Variants in SPON2 observed in about 807,000 individuals in gnomAD.
SPON2 encodes spondin-2.
In SPON2, 32 loss-of-function variants were observed where a neutral mutation model predicts 29.9. That is an observed-to-expected ratio of 1.07 (90% CI 0.81 to 1.44). The LOEUF (loss-of-function observed/expected upper bound fraction) is 1.44. SPON2 is among the 40% of genes most tolerant of loss of function. SPON2 has a pLI of 0.00. For missense variants in SPON2, 541 were observed against 455.5 expected (o/e 1.19, Z -1.71); for synonymous variants, 248 against 209.1 (o/e 1.19, Z -1.61).
At chr4:1,172,157 T>C (rs1412097450) in intron 1 of SPON2, 83 bp from the exon 2 acceptor site, 2 of 1,281,348 alleles carry the variant, frequency 1.6e-6, no homozygotes, top group Non-Finnish European at 2.2e-6. Flanking sequence ...TGCGGCACTT[T>C]GGGCTCTGAG....
In SPON2 at chr4:1,186,116, C is replaced by T. The variant is rs377459262; in HGVS notation, c.-238-6575G>A. ...AAAATTAGCCGGGCGTGGTGGTGGG[C>T]GCCTGTAGTCCCAGCTACTCAGGAG... On this transcript the variant is annotated intron_variant, in intron 1 of 3. Transcript: ENST00000502483. Among the ~76,000 whole-genome samples, 129 of 150,098 alleles carry T rather than the reference C, an allele frequency of 8.6e-4. 1 individual carries two copies. Among genetic ancestry groups the T allele is most frequent in the Non-Finnish European group, 1.3e-3 (87 of 67,250 alleles).
At chr4:1,199,404 TATTAAA>T (rs1011160989), upstream of SPON2, 2 of 152,032 alleles carry the variant, frequency 1.3e-5, no homozygotes, top group Non-Finnish European at 2.9e-5. The surrounding 1 kb of genome is among the most constrained non-coding windows in gnomAD (Gnocchi z 4.5). Flanking sequence ...TCTCAAAAAA[TATTAAA>T]ATTAAAATTA....
At chr4:1,208,726 G>C (rs1433929428), upstream of SPON2, 4 of 152,292 alleles carry the variant, frequency 2.6e-5, no homozygotes, top group East Asian at 7.7e-4. Flanking sequence ...CTGTCCGTCT[G>C]CTGTCCGAGC....
At chr4:1,187,279 G>A (rs938224701) in intron 1 of SPON2, among the ~76,000 whole-genome samples, 4 of 152,196 alleles carry the variant, frequency 2.6e-5, no homozygotes, top group African/African-American at 4.8e-5. Context: ...AAAACACAAA[G>A]ATTGTGTCAT....
chr4:1,194,364 C>T (rs1031023777), intron 1 of SPON2, among the ~76,000 whole-genome samples: 3 of 152,296 alleles, frequency 2.0e-5, no homozygotes, highest in African/African-American at 7.2e-5. Flanking sequence ...TTCAAGGAGC[C>T]GAGCCCCAGG....
chr4:1,169,549 G>A (rs938105713), intron 5 of SPON2, among the ~76,000 whole-genome samples: 1 of 152,154 alleles, frequency 6.6e-6, no homozygotes, highest in African/African-American at 2.4e-5. Flanking sequence ...TGTAATTACT[G>A]CTGCTCCTCA....
At chr4:1,207,731 T>C (rs192195828) in intron 1 of SPON2, 2 of 154,760 alleles carry the variant, frequency 1.3e-5, no homozygotes, top group Admixed American at 1.3e-4. Flanking sequence ...CACCTAACCT[T>C]ATATTGTTCA....
chr4:1,184,359 C>A (rs370634832), intron 1 of SPON2, among the ~76,000 whole-genome samples: 3 of 152,150 alleles, frequency 2.0e-5, no homozygotes, highest in African/African-American at 7.2e-5. Context: ...CAGCTCAATG[C>A]TGTCTACAAA....
intron 1 of SPON2, among the ~76,000 whole-genome samples, chr4:1,188,027 C>T (rs989126486): frequency 1.1e-4 from 16 of 151,234 alleles, no homozygotes; most frequent in East Asian, 1.9e-4. Context: ...CACGATGAAA[C>T]ACCGTCTCTA....
chr4:1,171,716 G>C (rs1311501382), intron 2 of SPON2, 136 bp downstream of exon 2: 3 of 802,960 alleles, frequency 3.7e-6, no homozygotes, highest in Admixed American at 4.7e-5. Context: ...GCAGGCGCTC[G>C]GCAAACATTC....
At chr4:1,197,723 T>C (rs1402711722), upstream of SPON2, among the ~76,000 whole-genome samples, 1 of 152,130 alleles carries the variant, frequency 6.6e-6, no homozygotes, top group East Asian at 1.9e-4. Flanking sequence ...TAAAATAAAA[T>C]CCCCTTGCCC....
At chr4:1,180,157 AG>A (rs549188921) in intron 1 of SPON2, among the ~76,000 whole-genome samples, 1 of 152,124 alleles carries the variant, frequency 6.6e-6, no homozygotes, top group Non-Finnish European at 1.5e-5. Flanking sequence ...GCAGGAAGTG[AG>A]GGCTACTGCA....
At chr4:1,189,638 C>CAAAA (rs61543201) in intron 1 of SPON2, among the ~76,000 whole-genome samples, 13,884 of 59,592 alleles carry the variant, frequency 0.23, 1,821 homozygotes, top group Non-Finnish European at 0.33. Flanking sequence ...GACCCTGTCT[C>CAAAA]AAAAAAAAAA....
chr4:1,183,221 A>G (rs1727730544), intron 1 of SPON2, among the ~76,000 whole-genome samples: 1 of 147,072 alleles, frequency 6.8e-6, no homozygotes, highest in African/African-American at 2.5e-5. Flanking sequence ...CAACCTGGGC[A>G]ACAAGAGTGA....
At position 1,171,996 on chromosome 4, in the gene SPON2, C is replaced by T; in HGVS notation, c.76G>A (p.Gly26Ser). ...ATGGACTCTCCCCCAAGAGGCTGGC[C>T]GGCGGCGCCGAGAGTGGCCAGGAGG... is the stretch of plus-strand genomic sequence containing the variant. ...ALLLATLGAA[G>S]QPLGGESICS... Residue 26 changes from glycine to serine, a missense_variant, in exon 2 of 6, where the codon GGC (glycine) becomes AGC (serine). Transcript: ENST00000290902. 1 of 1,612,830 alleles carries T rather than the reference C, an allele frequency of 6.2e-7. No homozygotes were observed. Among genetic ancestry groups the T allele is most frequent in the Non-Finnish European group, 8.5e-7 (1 of 1,179,878 alleles).
rs199678994 is a variant in SPON2, at chr4:1,171,430, C to T, written c.277G>A (p.Gly93Arg). 9 of 1,612,320 alleles carry T rather than the reference C, an allele frequency of 5.6e-6. No homozygotes were observed. The Admixed American group carries it at 1.3e-4, about 24-fold the overall frequency. The change falls in exon 3 of 6, where the codon GGG (glycine) becomes AGG (arginine). Residue 93 changes from glycine (G) to arginine (R), a missense_variant. Physicochemically the swap from Gly to Arg is moderately radical, Grantham distance 125 (BLOSUM62 -2). Transcript: ENST00000290902. ...MWRKNQYVSN[G>R]LRDFAERGEA... Reference sequence around the variant, plus strand: ...CCGCGCTCCGCAAAGTCGCGCAGCCCGTTACTGACGTACTGGTTCTTCCTC... The same window carrying T: ...CCGCGCTCCGCAAAGTCGCGCAGCCTGTTACTGACGTACTGGTTCTTCCTC...
In SPON2 at chr4:1,167,619, C is replaced by T; in HGVS notation, c.849G>A (p.Trp283Ter). 6.2e-7 allele frequency: 1 copy of T among 1,612,236 alleles called. No individual in the cohort carries two copies. Among genetic ancestry groups the T allele is most frequent in the Non-Finnish European group, 8.5e-7 (1 of 1,179,172 alleles). The change falls in exon 6 of 6, where the codon TGG (tryptophan) becomes TGA (stop). Residue 283 changes from tryptophan to a stop codon, truncating the protein, a stop_gained. Coordinates refer to ENST00000290902, the MANE Select transcript of SPON2 (RefSeq NM_012445.4). LOFTEE classifies it high-confidence loss of function. ...GGCCTCCGCACAGTCCCCAGGACGACCACAGGGAGACCTCGCAGTCCAGCG... is the reference window on the plus strand; with the variant it reads ...GGCCTCCGCACAGTCCCCAGGACGATCACAGGGAGACCTCGCAGTCCAGCG... ...ETPLDCEVSL[W>*]SSWGLCGGHC... is the part of the protein sequence containing the mutation.
intron 5 of SPON2, among the ~76,000 whole-genome samples, chr4:1,168,695 G>A (rs750296092): frequency 5.9e-5 from 9 of 152,200 alleles, no homozygotes; most frequent in Non-Finnish European, 1.3e-4. Flanking sequence ...TGGTGGGAGC[G>A]CCCCTGCCCT....
chr4:1,198,679 C>G (rs866838905), upstream of SPON2, among the ~76,000 whole-genome samples: 1 of 151,976 alleles, frequency 6.6e-6, no homozygotes, highest in African/African-American at 2.4e-5. Flanking sequence ...TCGGCAGCAT[C>G]GTGTTATGGC....
Sources: gnomAD v4.1 joint callset for allele counts (sites outside exome capture counted in the v4.1 genomes callset) on GRCh38, gnomAD v4.1.1 for gene constraint, Gnocchi (gnomAD v3.1) non-coding constraint, MANE v1.5 for transcripts, NCBI Gene and HGNC (gene_info 2026-07-23, HGNC 2026-07-21) for gene names.